The following USF2 variants were observed in gnomAD, a reference collection of about 807,000 sequenced individuals.
USF2 encodes upstream stimulatory factor 2.
USF2 carries 16 observed loss-of-function variants against 46.9 expected under a neutral mutation model. The observed-to-expected ratio is 0.34, with a 90% CI of 0.23 to 0.52. The LOEUF is 0.52. Ranked by LOEUF, USF2 falls within the 20% of genes least tolerant of loss-of-function variation. The pLI, the probability that USF2 is intolerant of heterozygous loss-of-function variation, is 0.96. For synonymous variants in USF2, 239 were observed against 194.1 expected, an observed-to-expected ratio of 1.23 and a Z score of -1.92; for missense variants, 411 against 474.0, an observed-to-expected ratio of 0.87 and a Z score of 1.23.
In USF2 at chr19:35,279,359, G is replaced by A. The variant is rs998293631; in HGVS notation, c.*103G>A. ...GGACACATGCCCCTCCCCCAGCTGC[G>A]TTTTTTTATAGTAGATTTTTAACAA... On this transcript the variant is annotated 3_prime_UTR_variant, in exon 10 of 10. Coordinates refer to ENST00000222305, the MANE Select transcript of USF2 (RefSeq NM_003367.4). The A allele has an allele frequency of 1.2e-4, 153 of 1,238,810 alleles. No homozygotes were observed. Among genetic ancestry groups the A allele is most frequent in the Non-Finnish European group, 1.3e-4 (125 of 945,804 alleles). The allele number at this position is 1,238,810 out of a possible 1,614,324, so 76.7% of individuals were successfully genotyped here. A position where few individuals can be genotyped will look rare whatever the true frequency, so the allele number is the denominator to read the frequency against.
intron 1 of USF2, 119 bp from the exon 2 acceptor site, chr19:35,269,327 T>A: frequency 1.1e-6 from 1 of 914,956 alleles, no homozygotes; most frequent in Non-Finnish European, 1.3e-6. Flanking sequence ...GCCCCCGGCC[T>A]CGGCGGCGCC....
At chr19:35,271,262 G>A (rs916349291) in intron 7 of USF2, 121 bp downstream of exon 7, 6 of 1,147,328 alleles carry the variant, frequency 5.2e-6, no homozygotes, top group African/African-American at 4.7e-5. Context: ...TGCTCCAGAG[G>A]GCTTTGCTGG....
At chr19:35,273,798 C>A (rs10421504) in intron 7 of USF2, among the ~76,000 whole-genome samples, 1 of 152,018 alleles carries the variant, frequency 6.6e-6, no homozygotes, top group African/African-American at 2.4e-5. Flanking sequence ...TCAGGCAGTC[C>A]TCCGGCCTCG....
chr19:35,270,335 T>TC, intron 4 of USF2, 112 bp from the exon 5 acceptor site: 1 of 1,448,416 alleles, frequency 6.9e-7, no homozygotes, highest in Non-Finnish European at 9.3e-7. Flanking sequence ...GCAGAAGGAG[T>TC]CCCCACTCCT....
At chr19:35,273,577 G>T (rs2066188765) in intron 7 of USF2, among the ~76,000 whole-genome samples, 1 of 151,968 alleles carries the variant, frequency 6.6e-6, no homozygotes, top group Admixed American at 6.5e-5. Flanking sequence ...TTTTTTTTGA[G>T]AAGGGGGTCT....
rs1208502858 is a variant in USF2 at position 35,269,390 on chromosome 19, GGCGGGGGCGCGGGC to G, written c.63-50_63-37del. 8.4e-6 allele frequency: 11 copies of G among 1,315,198 alleles called. No individual in the cohort carries two copies. The African/African-American group carries it at 1.2e-4, about 15-fold the overall frequency. 81.5% of individuals were successfully genotyped at this position (1,315,198 alleles called of 1,614,324 possible). A position where few individuals can be genotyped will look rare whatever the true frequency, so the allele number is the denominator to read the frequency against. On this transcript the variant is annotated intron_variant, in intron 1 of 9. Coordinates refer to ENST00000222305, the MANE Select transcript of USF2 (RefSeq NM_003367.4). ...CTGGGGCCCTGCAGCTGGGCGCGGG[GGCGGGGGCGCGGGC>G]GCGGGCCGCGCTGACCCTGCTCCCT...
chr19:35,269,519 C>A, intron 2 of USF2, 27 bp downstream of exon 2: 1 of 1,542,170 alleles, frequency 6.5e-7, no homozygotes, highest in African/African-American at 1.4e-5. Context: ...CCGGCCGCGC[C>A]CGGGGAGGGC....
rs2066095631 is a variant in USF2 at position 35,269,068 on chromosome 19, C to G, written c.-34C>G. 1.4e-5 allele frequency: 1 copy of G among 73,716 alleles called. No homozygotes were observed. The highest frequency in any genetic ancestry group is 2.9e-5 in the Non-Finnish European group (1 of 34,258). 4.6% of individuals were successfully genotyped at this position (73,716 alleles called of 1,614,324 possible). A position where few individuals can be genotyped will look rare whatever the true frequency, so the allele number is the denominator to read the frequency against. ...CCCTCCCCTCCCCTCCCCTCCCCCC[C>G]GGGCCCCGCGCCCCCCCCGCCCCCG... On this transcript the variant is annotated 5_prime_UTR_variant, in exon 1 of 10. Transcript: ENST00000222305.
rs750169938 is a variant in USF2 at position 35,279,278 on chromosome 19, C to T, written c.*22C>T. Reference sequence around the variant, plus strand: ...GTGACGCCCGCCACCACCACGCAGCCGCCGCCGCCCACGCCGGCCTCTGCT... The same window carrying T: ...GTGACGCCCGCCACCACCACGCAGCTGCCGCCGCCCACGCCGGCCTCTGCT... On this transcript the variant is annotated 3_prime_UTR_variant, in exon 10 of 10. Transcript: ENST00000222305. 4.0e-5 allele frequency: 58 copies of T among 1,458,920 alleles called. No individual in the cohort carries two copies. Among genetic ancestry groups the T allele is most frequent in the Middle Eastern group, 2.2e-4 (1 of 4,538 alleles). The allele number at this position is 1,458,920 out of a possible 1,614,324, so 90.4% of individuals were successfully genotyped here.
chr19:35,269,268 C>G, intron 1 of USF2, 105 bp downstream of exon 1: 1 of 943,764 alleles, frequency 1.1e-6, no homozygotes, highest in East Asian at 1.2e-4. Flanking sequence ...GGGCCCGGCT[C>G]AAAATGGAGG....
chr19:35,275,228 G>T (rs1421884983), intron 7 of USF2: 1 of 152,008 alleles, frequency 6.6e-6, no homozygotes, highest in Non-Finnish European at 1.5e-5. Flanking sequence ...TGTATTTTTG[G>T]TAGAGACGGG....
intron 7 of USF2, among the ~76,000 whole-genome samples, chr19:35,272,674 T>C (rs1380127010): frequency 6.6e-6 from 1 of 151,694 alleles, no homozygotes; most frequent in Admixed American, 6.6e-5. Flanking sequence ...GTGGAGGCTG[T>C]TGGCAAGAGT....
intron 8 of USF2, 26 bp downstream of exon 8, chr19:35,278,818 T>C: frequency 6.2e-7 from 1 of 1,613,112 alleles, no homozygotes; most frequent in Non-Finnish European, 8.5e-7. Context: ...CCTCAGTGTC[T>C]GCGGTGGTCC....
Position 35,269,419 on chromosome 19 carries a change from C to T in USF2, c.63-27C>T, listed in dbSNP as rs368002921. Reference sequence around the variant, plus strand: ...GGGGCGCGGGCGCGGGCCGCGCTGACCCTGCTCCCTCCTGTGCCCCTGGCA... The same window carrying T: ...GGGGCGCGGGCGCGGGCCGCGCTGATCCTGCTCCCTCCTGTGCCCCTGGCA... On this transcript the variant is annotated intron_variant, in intron 1 of 9. Transcript: ENST00000222305. 977 of 1,466,840 alleles carry T rather than the reference C, an allele frequency of 6.7e-4. 1 individual carries two copies. The highest frequency in any genetic ancestry group is 3.2e-3 in the Admixed American group (135 of 42,104). 90.9% of individuals were successfully genotyped at this position (1,466,840 alleles called of 1,614,324 possible). A position where few individuals can be genotyped will look rare whatever the true frequency, so the allele number is the denominator to read the frequency against.
At chr19:35,274,072 A>G (rs370183370) in intron 7 of USF2, among the ~76,000 whole-genome samples, 46 of 152,250 alleles carry the variant, frequency 3.0e-4, no homozygotes, top group African/African-American at 1.1e-3. Context: ...AATGCAAGGA[A>G]CTGTGTTTCC....
rs551450163 is a variant in USF2 at position 35,275,963 on chromosome 19, T to C, written c.728-2735T>C. ...TATTCTGATTTTTGTTGTTGTTGTT[T>C]ACTTGTTCCACCAATCAATGAGAAA... On this transcript the variant is annotated intron_variant, in intron 7 of 9. Transcript: ENST00000222305. 5.3e-5 allele frequency: 8 copies of C among 152,348 alleles called. No individual in the cohort carries two copies. In the South Asian group the frequency reaches 1.5e-3, roughly 28 times the overall value. The allele number at this position is 152,348 out of a possible 1,614,324, so 9.4% of individuals were successfully genotyped here. A position where few individuals can be genotyped will look rare whatever the true frequency, so the allele number is the denominator to read the frequency against.
rs369653967 is a variant in USF2, at chr19:35,279,092, A to C, written c.951+18A>C. 3.9e-4 allele frequency: 626 copies of C among 1,612,480 alleles called. No homozygotes were observed. The highest frequency in any genetic ancestry group is 5.0e-4 in the Admixed American group (30 of 59,766). ...GGCAGCAGGTGGGTGCGGGGCCTGG[A>C]GCGGGTCAGGGCCCAGGAGCCCCAG... On this transcript the variant is annotated intron_variant, in intron 9 of 9. Coordinates refer to ENST00000222305, the MANE Select transcript of USF2 (RefSeq NM_003367.4).
chr19:35,271,912 G>C (rs1029599230), intron 7 of USF2, among the ~76,000 whole-genome samples: 2 of 152,184 alleles, frequency 1.3e-5, no homozygotes, highest in South Asian at 2.1e-4. Flanking sequence ...GGGGTGGGCT[G>C]GGGTGACGCT....
In USF2 at chr19:35,269,681, A is replaced by G. The variant is rs763169205; in HGVS notation, c.210A>G (p.Thr70=). ...ACAACATCCAGTACCAGTTCCGCAC[A>G]GAGACAAATGGAGGACAGGTGAGCG... is the stretch of plus-strand genomic sequence containing the variant. ...GDHNIQYQFR[T]ETNGGQVTYR... Residue 70 remains threonine (T), a synonymous_variant, in exon 3 of 10, where the codon ACA becomes ACG. Transcript: ENST00000222305. 2 of 1,421,460 alleles carry G rather than the reference A, an allele frequency of 1.4e-6. No homozygotes were observed. Among genetic ancestry groups the G allele is most frequent in the East Asian group, 7.5e-5 (2 of 26,826 alleles). The allele number at this position is 1,421,460 out of a possible 1,614,324, so 88.1% of individuals were successfully genotyped here. A position where few individuals can be genotyped will look rare whatever the true frequency, so the allele number is the denominator to read the frequency against.
Sources: gnomAD v4.1 joint callset for allele counts (sites outside exome capture counted in the v4.1 genomes callset) on GRCh38, gnomAD v4.1.1 for gene constraint, MANE v1.5 for transcripts, NCBI Gene and HGNC (gene_info 2026-07-23, HGNC 2026-07-21) for gene names.